ATXN1: variants seen among roughly 807,000 people sequenced by gnomAD.
ATXN1 encodes the protein ataxin 1, also known as ataxin-1.
Under a neutral mutation model 56.4 loss-of-function variants are expected in ATXN1, and 8 were observed. The ratio of observed to expected loss-of-function variants is 0.14; its 90% CI spans 0.08 to 0.26. The LOEUF (loss-of-function observed/expected upper bound fraction) is 0.26. Ranked by LOEUF, ATXN1 falls within the 10% of genes least tolerant of loss-of-function variation. The probability of loss-of-function intolerance (pLI) is 1.00; values close to 1 mark genes in which losing one functional copy is unlikely to be tolerated. For synonymous variants in ATXN1, 514 were observed against 494.6 expected (o/e 1.04, Z -0.52); for missense variants, 987 against 1,106.5 (o/e 0.89, Z 1.53).
chr6:16,474,919 T>C (rs1265619343), intron 6 of ATXN1, among the ~76,000 whole-genome samples: 1 of 152,164 alleles, frequency 6.6e-6, no homozygotes. Flanking sequence ...AATGTAGATA[T>C]CCATCTTCAG....
At chr6:16,405,593 TA>T (rs1304065474) in intron 6 of ATXN1, among the ~76,000 whole-genome samples, 1 of 152,206 alleles carries the variant, frequency 6.6e-6, no homozygotes, top group Non-Finnish European at 1.5e-5. Context: ...CATAAAATGT[TA>T]GCGCTGGAAT....
At chr6:16,726,209 C>T (rs1759845625) in intron 2 of ATXN1, among the ~76,000 whole-genome samples, 1 of 151,882 alleles carries the variant, frequency 6.6e-6, no homozygotes, top group Non-Finnish European at 1.5e-5. Flanking sequence ...GGCAAAACCC[C>T]ATCTCTACTA....
At chr6:16,649,122 T>C (rs2113828573) in intron 3 of ATXN1, among the ~76,000 whole-genome samples, 1 of 152,276 alleles carries the variant, frequency 6.6e-6, no homozygotes, top group African/African-American at 2.4e-5. Flanking sequence ...ATTTTCTTTT[T>C]AGTGGTGTTT....
At chr6:16,375,925 C>G (rs1490216333) in intron 6 of ATXN1, among the ~76,000 whole-genome samples, 3 of 152,234 alleles carry the variant, frequency 2.0e-5, no homozygotes, top group Non-Finnish European at 4.4e-5. Flanking sequence ...GTTCAATTAC[C>G]TACAGATTTC....
intron 2 of ATXN1, among the ~76,000 whole-genome samples, chr6:16,741,150 G>C (rs968341287): frequency 1.1e-4 from 16 of 152,142 alleles, no homozygotes; most frequent in African/African-American, 3.9e-4. Flanking sequence ...CGTAGGTTCT[G>C]TTTTCTCCCC....
chr6:16,322,380 C>A (rs1228893859), intron 7 of ATXN1, among the ~76,000 whole-genome samples: 3 of 152,200 alleles, frequency 2.0e-5, no homozygotes, highest in Non-Finnish European at 4.4e-5. Context: ...CATACTATAT[C>A]ACACTGCTTT....
intron 5 of ATXN1, among the ~76,000 whole-genome samples, chr6:16,507,471 C>T (rs943934648): frequency 1.3e-5 from 2 of 152,162 alleles, no homozygotes; most frequent in East Asian, 1.9e-4. Context: ...GGCTCAATCA[C>T]TATATTAGTG....
intron 5 of ATXN1, among the ~76,000 whole-genome samples, chr6:16,487,784 G>A (rs1197515963): frequency 1.3e-5 from 2 of 152,188 alleles, no homozygotes. Context: ...ATTGTGATTT[G>A]TAGTCATGAT....
At chr6:16,649,660 C>A (rs1234470267) in intron 3 of ATXN1, among the ~76,000 whole-genome samples, 1 of 152,176 alleles carries the variant, frequency 6.6e-6, no homozygotes, top group Non-Finnish European at 1.5e-5. Flanking sequence ...CCAAAAACAT[C>A]TATTTTTGTA....
At chr6:16,504,765 T>C (rs181095857) in intron 5 of ATXN1, among the ~76,000 whole-genome samples, 2 of 152,252 alleles carry the variant, frequency 1.3e-5, no homozygotes, top group Admixed American at 1.3e-4. Context: ...ACTCCCCTCA[T>C]GTGTAAAATA....
chr6:16,405,891 C>T (rs1019259941), intron 6 of ATXN1, among the ~76,000 whole-genome samples: 3 of 151,896 alleles, frequency 2.0e-5, no homozygotes, highest in Non-Finnish European at 2.9e-5. Flanking sequence ...GGTGCTGGAA[C>T]GGGGGCTGGG....
chr6:16,607,348 A>G lies in ATXN1; in HGVS notation c.-488-21441T>C, dbSNP rs111237357. Among the ~76,000 whole-genome samples the G allele has an allele frequency of 1.5e-3, 228 of 152,362 alleles. 4 individuals carry two copies. Among genetic ancestry groups the G allele is most frequent in the Middle Eastern group, 0.01 (3 of 294 alleles). Reference sequence around the variant, plus strand: ...AGTTCTGCAATTATGTGCATCACAAAATAGGAAACCTGGACATATAAGGGA... The same window carrying G: ...AGTTCTGCAATTATGTGCATCACAAGATAGGAAACCTGGACATATAAGGGA... On this transcript the variant is annotated intron_variant, in intron 3 of 7. Coordinates refer to ENST00000436367, the MANE Select transcript of ATXN1 (RefSeq NM_001128164.2).
chr6:16,517,590 C>T (rs1371172805), intron 5 of ATXN1, among the ~76,000 whole-genome samples: 1 of 151,954 alleles, frequency 6.6e-6, no homozygotes, highest in Non-Finnish European at 1.5e-5. Context: ...AACAGGTTCC[C>T]CAGTTCTTCA....
intron 3 of ATXN1, among the ~76,000 whole-genome samples, chr6:16,603,819 A>T (rs1762953910): frequency 3.9e-5 from 6 of 152,026 alleles, no homozygotes. Context: ...GGAAGAGGTG[A>T]GCAGGCTGGG....
intron 6 of ATXN1, among the ~76,000 whole-genome samples, chr6:16,381,260 T>A (rs113548322): frequency 9.1e-4 from 138 of 151,790 alleles, no homozygotes; most frequent in African/African-American, 3.2e-3. Context: ...CACCCCAGCC[T>A]GGGTGACAGA....
chr6:16,675,953 C>T (rs754383993), intron 2 of ATXN1, among the ~76,000 whole-genome samples: 6 of 151,772 alleles, frequency 4.0e-5, no homozygotes, highest in Non-Finnish European at 8.8e-5. Context: ...AAAGGAGAAG[C>T]GGACAGGGTT....
intron 2 of ATXN1, among the ~76,000 whole-genome samples, chr6:16,751,384 AT>A (rs910286953): frequency 7.9e-5 from 12 of 152,198 alleles, no homozygotes; most frequent in African/African-American, 2.9e-4. Flanking sequence ...AGCCAATAAA[AT>A]GTAAGGAATC....
intron 4 of ATXN1, among the ~76,000 whole-genome samples, chr6:16,531,647 T>G (rs1413739885): frequency 6.8e-6 from 1 of 146,964 alleles, no homozygotes; most frequent in Non-Finnish European, 1.5e-5. Context: ...AAAAAAGTGC[T>G]ACCCATGTTA....
intron 2 of ATXN1, among the ~76,000 whole-genome samples, chr6:16,726,456 T>C (rs1759852633): frequency 6.6e-6 from 1 of 152,210 alleles, no homozygotes; most frequent in East Asian, 1.9e-4. Flanking sequence ...TATAATATCT[T>C]AGTGTCACTG....
Sources: allele counts gnomAD v4.1 joint callset (sites outside exome capture counted in the v4.1 genomes callset), GRCh38; gene constraint gnomAD v4.1.1; transcripts MANE v1.5; gene names NCBI Gene and HGNC (gene_info 2026-07-23, HGNC 2026-07-21).